The following TJP2 variants were observed in gnomAD, a reference collection of about 807,000 sequenced individuals.
TJP2 encodes Friedreich ataxia region gene X104 (tight junction protein ZO-2).
Under a neutral mutation model 133.1 loss-of-function variants are expected in TJP2, and 91 were observed. The ratio of observed to expected loss-of-function variants is 0.68; its 90% CI spans 0.58 to 0.81. The LOEUF (loss-of-function observed/expected upper bound fraction) is 0.81, where lower values mean the gene tolerates loss of function less well. Among genes scored for constraint, TJP2 ranks in the 40% least tolerant of loss-of-function variants. The pLI is 0.00. For synonymous variants in TJP2, 592 were observed against 583.4 expected, an observed-to-expected ratio of 1.01 and a Z score of -0.21; for missense variants, 1,541 against 1,565.6, an observed-to-expected ratio of 0.98 and a Z score of 0.26.
Position 69,237,001 on chromosome 9 carries a change from C to G in TJP2, c.2044C>G (p.Arg682Gly). The G allele has an allele frequency of 6.2e-7, 1 of 1,614,116 alleles. No homozygotes were observed. Among genetic ancestry groups the G allele is most frequent in the Non-Finnish European group, 8.5e-7 (1 of 1,180,032 alleles). Residue 682 changes from arginine to glycine, a missense_variant, in exon 14 of 23, where the codon CGG (arginine) becomes GGG (glycine). Physicochemically the swap from Arg to Gly is moderately radical, Grantham distance 125. Coordinates refer to ENST00000377245, the MANE Select transcript of TJP2 (RefSeq NM_004817.4). ...QNAQRDNAGD[R>G]ADFWRMRGQR... ...TGCCCAGAGAGACAACGCTGGGGAC[C>G]GGGCAGATTTCTGGAGAATGCGTGG...
intron 1 of TJP2, among the ~76,000 whole-genome samples, chr9:69,196,976 C>CACACACACACACAT (rs1564425763): frequency 1.3e-5 from 2 of 148,672 alleles, no homozygotes; most frequent in Non-Finnish European, 3.0e-5. Context: ...CACACACACA[C>CACACACACACACAT]ATGTTTTCTG....
chr9:69,204,851 A>G, intron 1 of TJP2: 1 of 1,123,206 alleles, frequency 8.9e-7, no homozygotes, highest in Non-Finnish European at 1.1e-6. Flanking sequence ...TTAGATGCTG[A>G]ATCATTTTAT....
At chr9:69,121,402 G>A, upstream of TJP2, 3 of 878,228 alleles carry the variant, frequency 3.4e-6, no homozygotes, top group Non-Finnish European at 3.9e-6. Context: ...CCTCCCCGCC[G>A]CTGCTCTCTG....
intron 14 of TJP2, 69 bp from the exon 15 acceptor site, chr9:69,237,809 A>G: frequency 8.9e-6 from 10 of 1,125,580 alleles, no homozygotes; most frequent in Non-Finnish European, 1.4e-5. Context: ...AGCCCATACA[A>G]TACTTTTACT....
chr9:69,210,575 T>C (rs891073548), intron 1 of TJP2, among the ~76,000 whole-genome samples: 1 of 152,122 alleles, frequency 6.6e-6, no homozygotes, highest in Admixed American at 6.5e-5. Context: ...TAATAATCTT[T>C]TGGAATGTTT....
At position 69,221,006 on chromosome 9, in the gene TJP2, C is replaced by T. The variant is rs1206056131; in HGVS notation, c.462C>T (p.Gly154=). The T allele has an allele frequency of 1.2e-6, 2 of 1,611,604 alleles. No homozygotes were observed. The highest frequency in any genetic ancestry group is 1.7e-6 in the Non-Finnish European group (2 of 1,179,484). The part of the protein sequence containing the change: ...DEFDGRSFRS[G]YSERSRLNSH... ...TTGATGGCAGAAGTTTCCGGAGTGG[C>T]TACAGCGAGAGGAGCCGGCTGAACA... The change falls in exon 5 of 23, where the codon GGC becomes GGT. Residue 154 remains glycine, a synonymous_variant. Coordinates refer to ENST00000377245, the MANE Select transcript of TJP2 (RefSeq NM_004817.4).
At position 69,221,348 on chromosome 9, in the gene TJP2, G is replaced by A. The variant is rs1183788466; in HGVS notation, c.804G>A (p.Glu268=). The A allele has an allele frequency of 1.3e-6, 2 of 1,587,238 alleles. No homozygotes were observed. Among genetic ancestry groups the A allele is most frequent in the African/African-American group, 2.7e-5 (2 of 74,416 alleles). ...DPDYERAYSP[E]YRRGARHDAR... ...ACTACGAGCGGGCCTACAGCCCGGA[G>A]TACAGGCGCGGGGCCCGCCACGATG... Residue 268 remains glutamate (E), a synonymous_variant, in exon 5 of 23, where the codon GAG becomes GAA. Transcript: ENST00000377245.
intron 3 of TJP2, 83 bp downstream of exon 3, chr9:69,216,546 AT>A: frequency 6.8e-7 from 1 of 1,471,220 alleles, no homozygotes; most frequent in Non-Finnish European, 9.2e-7. Flanking sequence ...TGTCCACTTT[AT>A]TTAAAAAAAA....
chr9:69,147,950 A>G (rs1169663544), intron 1 of TJP2, among the ~76,000 whole-genome samples: 2 of 146,610 alleles, frequency 1.4e-5, no homozygotes, highest in Admixed American at 6.8e-5. Context: ...TTGAGACAGT[A>G]TTTAGCTCTT....
intron 20 of TJP2, among the ~76,000 whole-genome samples, chr9:69,249,934 A>G (rs1831209054): frequency 1.3e-5 from 2 of 152,188 alleles, no homozygotes; most frequent in Admixed American, 1.3e-4. Context: ...AATGCCTCTC[A>G]TTAAGAGAGC....
At chr9:69,177,962 A>T (rs1250715469) in intron 1 of TJP2, among the ~76,000 whole-genome samples, 2 of 152,124 alleles carry the variant, frequency 1.3e-5, no homozygotes, top group Non-Finnish European at 2.9e-5. Context: ...TGGGTGACTG[A>T]CAGCTAGAGC....
chr9:69,173,908 G>A, upstream of TJP2: 2 of 978,584 alleles, frequency 2.0e-6, no homozygotes, highest in South Asian at 9.5e-5. Context: ...CTCGGAGCGG[G>A]ACCTGCTTGC....
chr9:69,183,313 G>T (rs1825641648), intron 1 of TJP2, among the ~76,000 whole-genome samples: 3 of 152,064 alleles, frequency 2.0e-5, no homozygotes, highest in African/African-American at 7.2e-5. Context: ...ACTCTGGAAG[G>T]TTCTCTCTTG....
At chr9:69,208,184 C>A (rs1204449577) in intron 1 of TJP2, among the ~76,000 whole-genome samples, 1 of 152,190 alleles carries the variant, frequency 6.6e-6, no homozygotes, top group Non-Finnish European at 1.5e-5. Flanking sequence ...TTCAACAGAG[C>A]TACTAAAATT....
At chr9:69,221,522 A>G (rs1326468901) in intron 5 of TJP2, 26 bp downstream of exon 5, 1 of 1,594,582 alleles carries the variant, frequency 6.3e-7, no homozygotes, top group Non-Finnish European at 8.5e-7. Context: ...GTGGGAAGAA[A>G]AGCACTGTTG....
At chr9:69,232,299 A>G (rs187705756) in intron 11 of TJP2, among the ~76,000 whole-genome samples, 2 of 152,356 alleles carry the variant, frequency 1.3e-5, no homozygotes, top group Admixed American at 1.3e-4. Context: ...GGTGAAAAAG[A>G]TTGAGTTTGC....
chr9:69,248,014 G>A lies in TJP2; in HGVS notation c.2670G>A (p.Met890Ile), dbSNP rs1374837792. 3 of 1,601,322 alleles carry A rather than the reference G, an allele frequency of 1.9e-6. 1 individual carries two copies. In the South Asian group the frequency reaches 3.4e-5, roughly 18 times the overall value. Residue 890 changes from methionine to isoleucine, a missense_variant and splice_region_variant, in exon 19 of 23, where the codon ATG (methionine) becomes ATA (isoleucine). By Grantham distance (10) the Met-to-Ile change is conservative. Coordinates refer to ENST00000377245, the MANE Select transcript of TJP2 (RefSeq NM_004817.4). ...GEAVWVSEGK[M>I]EGMDDDPEDR... is the part of the protein sequence containing the mutation. ...CCGTCCAACACAAATTCCTCTAGAT[G>A]GAAGGGATGGATGATGACCCCGAAG... is the stretch of plus-strand genomic sequence containing the variant.
chr9:69,139,792 C>T (rs1822931983), intron 1 of TJP2, among the ~76,000 whole-genome samples: 1 of 152,198 alleles, frequency 6.6e-6, no homozygotes, highest in South Asian at 2.1e-4. Context: ...TTGTCTCGAA[C>T]TCGGCCGTGT....
Position 69,237,858 on chromosome 9 carries a change from G to A in TJP2, c.2180-20G>A. ...GCTAGGCAAGTGTGTATGCTTTAATGGCCTTTCTTGTCATTTCAGCTGGTT... is the reference window on the plus strand; with the variant it reads ...GCTAGGCAAGTGTGTATGCTTTAATAGCCTTTCTTGTCATTTCAGCTGGTT... On this transcript the variant is annotated intron_variant, in intron 14 of 22. Coordinates refer to ENST00000377245, the MANE Select transcript of TJP2 (RefSeq NM_004817.4). The A allele has an allele frequency of 6.4e-7, 1 of 1,572,730 alleles. No homozygotes were observed. The highest frequency in any genetic ancestry group is 1.1e-5 in the South Asian group (1 of 90,160).
Sources: allele counts gnomAD v4.1 joint callset (sites outside exome capture counted in the v4.1 genomes callset), GRCh38; gene constraint gnomAD v4.1.1; transcripts MANE v1.5; gene names NCBI Gene and HGNC (gene_info 2026-07-23, HGNC 2026-07-21).